Variants in DGLUCY observed in about 807,000 individuals in gnomAD.
DGLUCY encodes D-glutamate cyclase.
A neutral mutation model predicts 58.5 loss-of-function variants in DGLUCY; 58 were observed. The observed-to-expected ratio is 0.99, with a 90% CI of 0.80 to 1.23. DGLUCY has a LOEUF of 1.23. DGLUCY is among the 50% of genes most tolerant of loss of function. The probability of loss-of-function intolerance (pLI) is 0.00; values close to 1 mark genes in which losing one functional copy is unlikely to be tolerated. For missense variants in DGLUCY, 779 were observed against 784.7 expected (o/e 0.99, Z 0.09); for synonymous variants, 325 against 314.1 (o/e 1.03, Z -0.37).
chr14:91,195,931 A>G (rs2050178668), intron 9 of DGLUCY, among the ~76,000 whole-genome samples: 1 of 152,082 alleles, frequency 6.6e-6, no homozygotes, highest in Non-Finnish European at 1.5e-5. Context: ...TGGCCTCCCA[A>G]AGTGCTGGAA....
intron 1 of DGLUCY, among the ~76,000 whole-genome samples, chr14:91,121,609 AAATAATAATAATAATAATAATAAT>A (rs55743510): frequency 3.5e-5 from 5 of 142,804 alleles, no homozygotes; most frequent in Non-Finnish European, 7.6e-5. Flanking sequence ...TCCATCTCAA[AAATAATAATAATAATAATAATAAT>A]AATAATAATA....
At chr14:91,187,378 TC>T (rs937724087) in intron 8 of DGLUCY, among the ~76,000 whole-genome samples, 35 of 152,226 alleles carry the variant, frequency 2.3e-4, no homozygotes, top group Admixed American at 3.9e-4. Flanking sequence ...ACTGCTGATT[TC>T]AGCCACCGCC....
At chr14:91,177,914 A>G (rs2048950376) in intron 7 of DGLUCY, among the ~76,000 whole-genome samples, 1 of 152,228 alleles carries the variant, frequency 6.6e-6, no homozygotes, top group African/African-American at 2.4e-5. Context: ...CTGGGCGCTC[A>G]TGGTCTTGTC....
intron 3 of DGLUCY, among the ~76,000 whole-genome samples, chr14:91,164,147 ACCATGTTGG>A (rs1351370865): frequency 6.6e-6 from 1 of 151,996 alleles, no homozygotes; most frequent in Non-Finnish European, 1.5e-5. Context: ...ATGGGGTTTC[ACCATGTTGG>A]CCAGGCTGGT....
At position 91,093,283 on chromosome 14, in the gene DGLUCY, A is replaced by C. The variant is rs2044343490; in HGVS notation, c.-82+32579A>C. 2.6e-5 allele frequency among the ~76,000 whole-genome samples: 4 copies of C among 152,106 alleles called. No homozygotes were observed. The South Asian group carries it at 8.3e-4, about 32-fold the overall frequency. On this transcript the variant is annotated intron_variant, in intron 1 of 4. Coordinates refer to the DGLUCY transcript ENST00000521334. Reference sequence around the variant, plus strand: ...TTGTGTATTATTTAACCCTTACAGGATGTGATGAAGTATCATTATCCCCAT... The same window carrying C: ...TTGTGTATTATTTAACCCTTACAGGCTGTGATGAAGTATCATTATCCCCAT...
intron 12 of DGLUCY, among the ~76,000 whole-genome samples, chr14:91,206,471 C>T (rs1449056955): frequency 6.6e-6 from 1 of 152,186 alleles, no homozygotes; most frequent in Admixed American, 6.5e-5. Flanking sequence ...CAACTTCTGC[C>T]TCCCGGGTTC....
chr14:91,062,065 C>G (rs1486797268), intron 1 of DGLUCY, among the ~76,000 whole-genome samples: 2 of 152,110 alleles, frequency 1.3e-5, no homozygotes, highest in East Asian at 3.8e-4. Context: ...TTAGGATTTG[C>G]AAGCTGTATG....
intron 9 of DGLUCY, among the ~76,000 whole-genome samples, chr14:91,194,005 T>A (rs1182186609): frequency 6.6e-6 from 1 of 152,186 alleles, no homozygotes; most frequent in Non-Finnish European, 1.5e-5. Flanking sequence ...TCCTTTCTCG[T>A]GTGTTCCCCA....
At chr14:91,167,550 G>A (rs1327027368) in intron 4 of DGLUCY, 172 bp downstream of exon 4, 2 of 848,268 alleles carry the variant, frequency 2.4e-6, no homozygotes, top group Admixed American at 2.0e-5. Flanking sequence ...CCACTGTTCT[G>A]ACTCCTTCCC....
intron 12 of DGLUCY, among the ~76,000 whole-genome samples, chr14:91,206,917 G>A (rs140375123): frequency 6.6e-6 from 1 of 152,160 alleles, no homozygotes; most frequent in African/African-American, 2.4e-5. Flanking sequence ...AATGCAAGCA[G>A]AGACATGAAA....
chr14:91,151,227 T>C (rs2047319436), intron 1 of DGLUCY, among the ~76,000 whole-genome samples: 1 of 152,224 alleles, frequency 6.6e-6, no homozygotes, highest in Non-Finnish European at 1.5e-5. Flanking sequence ...TATAGTTTCT[T>C]ATTTCTTTGT....
intron 4 of DGLUCY, chr14:91,167,815 T>A: frequency 1.6e-6 from 1 of 621,378 alleles, no homozygotes; most frequent in South Asian, 1.9e-5. Context: ...TCGGTGTACC[T>A]CTCCCACGAG....
chr14:91,214,104 C>T (rs1196963981), intron 12 of DGLUCY, among the ~76,000 whole-genome samples: 1 of 151,810 alleles, frequency 6.6e-6, no homozygotes, highest in Non-Finnish European at 1.5e-5. Context: ...TTTACTCAAC[C>T]TACAAGGCCC....
intron 1 of DGLUCY, among the ~76,000 whole-genome samples, chr14:91,140,054 A>G (rs2046566435): frequency 6.6e-6 from 1 of 152,220 alleles, no homozygotes; most frequent in Non-Finnish European, 1.5e-5. Context: ...TTAACCTTTT[A>G]TGTGTAGCTA....
rs777627636 is a variant in DGLUCY, at chr14:91,167,308, C to T, written c.187C>T (p.Leu63=). 5.0e-6 allele frequency: 8 copies of T among 1,613,904 alleles called. No individual in the cohort carries two copies. The African/African-American group carries it at 1.1e-4, about 22-fold the overall frequency. The change falls in exon 4 of 14, where the codon CTA becomes TTA. Residue 63 remains leucine, a synonymous_variant. Transcript: ENST00000256324. ...ATTCTGCCAGGTCAACACTGGTCCT[C>T]TACCCCTGCTGGGCCAGAGTGAGCC... The part of the protein sequence containing the change: ...ERFCQVNTGP[L]PLLGQSEPEK...
At chr14:91,172,562 T>G (rs1274692295) in intron 5 of DGLUCY, among the ~76,000 whole-genome samples, 3 of 152,126 alleles carry the variant, frequency 2.0e-5, no homozygotes, top group Non-Finnish European at 1.5e-5. Flanking sequence ...TGCTGATCAC[T>G]ACTTCAAAGT....
At chr14:91,078,173 T>C (rs1204410535) in intron 1 of DGLUCY, among the ~76,000 whole-genome samples, 1 of 152,114 alleles carries the variant, frequency 6.6e-6, no homozygotes, top group Non-Finnish European at 1.5e-5. Flanking sequence ...GAATTACAGA[T>C]GCCCACCACC....
chr14:91,210,687 T>G (rs1373625648), intron 12 of DGLUCY, among the ~76,000 whole-genome samples: 1 of 152,158 alleles, frequency 6.6e-6, no homozygotes. Flanking sequence ...ATAAAAACTT[T>G]CAGCAAACTA....
At chr14:91,152,782 A>C (rs1230647097) in intron 1 of DGLUCY, among the ~76,000 whole-genome samples, 1 of 152,208 alleles carries the variant, frequency 6.6e-6, no homozygotes, top group African/African-American at 2.4e-5. Context: ...CAGAAACCAA[A>C]AATGGAGTTT....
Sources: gnomAD v4.1 joint callset for allele counts (sites outside exome capture counted in the v4.1 genomes callset) on GRCh38, gnomAD v4.1.1 for gene constraint, MANE v1.5 for transcripts, NCBI Gene and HGNC (gene_info 2026-07-23, HGNC 2026-07-21) for gene names.